Variants in PLCB4 observed in about 807,000 individuals in gnomAD.
The protein encoded by PLCB4 is phospholipase C beta 4, also known as 1-phosphatidylinositol 4,5-bisphosphate phosphodiesterase beta-4.
In PLCB4, 77 loss-of-function variants were observed where a neutral mutation model predicts 178.8. The observed-to-expected ratio is 0.43, with a 90% CI of 0.36 to 0.52. PLCB4 has a LOEUF of 0.52. Ranked by LOEUF, PLCB4 falls within the 20% of genes least tolerant of loss-of-function variation. PLCB4 has a pLI of 0.00. For synonymous variants in PLCB4, 496 were observed against 490.8 expected, an observed-to-expected ratio of 1.01 and a Z score of -0.14; for missense variants, 1,024 against 1,453.4, an observed-to-expected ratio of 0.70 and a Z score of 4.80.
chr20:9,360,369 G>A (rs1296965582), intron 7 of PLCB4, among the ~76,000 whole-genome samples: 1 of 152,098 alleles, frequency 6.6e-6, no homozygotes, highest in Non-Finnish European at 1.5e-5. Context: ...ATGAATGAAA[G>A]TTATTTAAGC....
intron 36 of PLCB4, among the ~76,000 whole-genome samples, chr20:9,469,683 C>T (rs1774811668): frequency 6.6e-6 from 1 of 152,174 alleles, no homozygotes; most frequent in South Asian, 2.1e-4. Flanking sequence ...AGCAAGAGTA[C>T]CTGGCTTTTG....
chr20:9,201,249 A>G (rs951498945), intron 2 of PLCB4, among the ~76,000 whole-genome samples: 1 of 152,220 alleles, frequency 6.6e-6, no homozygotes, highest in Non-Finnish European at 1.5e-5. Context: ...AATTTAAACT[A>G]TCAATATGCT....
Position 9,087,051 on chromosome 20 carries a change from TTG to T in PLCB4, c.-134-9230_-134-9229del, listed in dbSNP as rs928981719. Reference sequence around the variant, plus strand: ...AACTTTTTTCATCCTTCCAACTTATTTGTGTGTTTCCGTTTAAAATGTGTCTC... The same window carrying T: ...AACTTTTTTCATCCTTCCAACTTATTTGTGTTTCCGTTTAAAATGTGTCTC... On this transcript the variant is annotated intron_variant, in intron 1 of 39. Transcript: ENST00000378473. Among the ~76,000 whole-genome samples the T allele has an allele frequency of 5.9e-5, 9 of 152,338 alleles. No individual in the cohort carries two copies. In the South Asian group the frequency reaches 1.2e-3, roughly 21 times the overall value.
chr20:9,333,233 G>A (rs1023045323), intron 4 of PLCB4, among the ~76,000 whole-genome samples: 2 of 152,166 alleles, frequency 1.3e-5, no homozygotes, highest in African/African-American at 4.8e-5. Context: ...GAACACAAAG[G>A]TAAACAAGAC....
At chr20:9,462,886 G>A (rs756349548) in intron 35 of PLCB4, among the ~76,000 whole-genome samples, 2 of 152,138 alleles carry the variant, frequency 1.3e-5, no homozygotes, top group Non-Finnish European at 2.9e-5. Context: ...AGCAAGGCAT[G>A]CCAACATTCA....
At chr20:9,090,580 CTG>C (rs2090638302) in intron 1 of PLCB4, among the ~76,000 whole-genome samples, 1 of 148,482 alleles carries the variant, frequency 6.7e-6, no homozygotes, top group Non-Finnish European at 1.5e-5. Context: ...GCAGAATACT[CTG>C]TGTTACTAAA....
rs533506973 is a variant in PLCB4 at position 9,335,299 on chromosome 20, C to G, written c.85-1827C>G. Reference sequence around the variant, plus strand: ...TTTCAGGTGGCACGGAAGACCCTTGCAATGAAACAACTCTTCTATACATGT... The same window carrying G: ...TTTCAGGTGGCACGGAAGACCCTTGGAATGAAACAACTCTTCTATACATGT... On this transcript the variant is annotated intron_variant, in intron 4 of 39. Coordinates refer to ENST00000378473, the MANE Select transcript of PLCB4 (RefSeq NM_001377142.1). Among the ~76,000 whole-genome samples the G allele has an allele frequency of 8.8e-4, 134 of 152,210 alleles. 1 individual carries two copies. Among genetic ancestry groups the G allele is most frequent in the African/African-American group, 2.8e-3 (115 of 41,530 alleles).
chr20:9,464,457 C>A (rs1355058110), intron 35 of PLCB4, among the ~76,000 whole-genome samples: 1 of 151,952 alleles, frequency 6.6e-6, no homozygotes, highest in African/African-American at 2.4e-5. Context: ...GATAGCGACA[C>A]AAAAAACCCT....
chr20:9,379,808 T>A (rs1450807065), intron 12 of PLCB4, among the ~76,000 whole-genome samples: 1 of 152,158 alleles, frequency 6.6e-6, no homozygotes, highest in Non-Finnish European at 1.5e-5. Context: ...CTTCAACTTT[T>A]GAAGGGGAAA....
intron 19 of PLCB4, among the ~76,000 whole-genome samples, chr20:9,400,642 C>T (rs910470355): frequency 3.3e-5 from 5 of 152,154 alleles, no homozygotes; most frequent in African/African-American, 1.2e-4. Flanking sequence ...TGGGTTTCTC[C>T]TGATCCTGGC....
chr20:9,444,745 G>C (rs2042310574), intron 32 of PLCB4, among the ~76,000 whole-genome samples: 1 of 152,090 alleles, frequency 6.6e-6, no homozygotes, highest in African/African-American at 2.4e-5. Flanking sequence ...GTAGGTGATA[G>C]AGTAAGACTC....
At position 9,395,528 on chromosome 20, in the gene PLCB4, C is replaced by A. The variant is rs764724064; in HGVS notation, c.1420C>A (p.Leu474Met). 1 of 1,612,652 alleles carries A rather than the reference C, an allele frequency of 6.2e-7. No homozygotes were observed. Among genetic ancestry groups the A allele is most frequent in the South Asian group, 1.1e-5 (1 of 91,056 alleles). The change falls in exon 19 of 40, where the codon CTG becomes ATG. Residue 474 changes from leucine to methionine, a missense_variant. Physicochemically the swap from Leu to Met is conservative, Grantham distance 15. This residue lies in a region of PLCB4 where 263 missense variants were observed against 417.4 expected (regional missense o/e 0.63). Coordinates refer to ENST00000378473, the MANE Select transcript of PLCB4 (RefSeq NM_001377142.1). Reference protein sequence around the residue: ...RLKPEVEKKQLEALRSMMEAG... With the variant: ...RLKPEVEKKQMEALRSMMEAG... ...TTGCGTGTTTTTGCTAACAGAACAG[C>A]TGGAAGCTTTGAGAAGCATGATGGA...
At chr20:9,311,597 T>A (rs961158981) in intron 4 of PLCB4, among the ~76,000 whole-genome samples, 1 of 152,190 alleles carries the variant, frequency 6.6e-6, no homozygotes, top group African/African-American at 2.4e-5. Context: ...AGATACTTTT[T>A]TCTTAACTGT....
At chr20:9,146,513 TA>T (rs772975471) in intron 2 of PLCB4, among the ~76,000 whole-genome samples, 1 of 152,124 alleles carries the variant, frequency 6.6e-6, no homozygotes, top group Non-Finnish European at 1.5e-5. Context: ...TTTATTCGTG[TA>T]GATAGTAATT....
intron 2 of PLCB4, among the ~76,000 whole-genome samples, chr20:9,194,426 C>T (rs924517091): frequency 3.9e-5 from 6 of 151,980 alleles, no homozygotes; most frequent in African/African-American, 1.4e-4. Context: ...GTGGCTCATA[C>T]GTGTAATCCC....
chr20:9,336,986 A>T, intron 4 of PLCB4, 140 bp from the exon 5 acceptor site: 1 of 612,304 alleles, frequency 1.6e-6, no homozygotes, highest in Non-Finnish European at 2.9e-6. Context: ...AAATGAAAAC[A>T]TTCCATAATA....
intron 2 of PLCB4, among the ~76,000 whole-genome samples, chr20:9,153,591 G>A (rs183216428): frequency 3.9e-4 from 59 of 152,008 alleles, no homozygotes; most frequent in African/African-American, 1.1e-3. Context: ...TTTTCTTCCC[G>A]GTCTCGGATA....
intron 7 of PLCB4, among the ~76,000 whole-genome samples, chr20:9,352,779 A>G (rs2034463800): frequency 6.6e-6 from 1 of 152,168 alleles, no homozygotes; most frequent in Non-Finnish European, 1.5e-5. Flanking sequence ...GTAATTTAAG[A>G]ATCATATGAT....
At chr20:9,381,289 C>T (rs570518915) in intron 13 of PLCB4, among the ~76,000 whole-genome samples, 2 of 152,232 alleles carry the variant, frequency 1.3e-5, no homozygotes, top group Admixed American at 1.3e-4. Flanking sequence ...TCCCTGTGAC[C>T]TTGAGCTAGG....
Sources: gnomAD v4.1 joint callset for allele counts (sites outside exome capture counted in the v4.1 genomes callset) on GRCh38, gnomAD v4.1.1 for gene constraint, gnomAD v4.1.1 regional missense constraint, MANE v1.5 for transcripts, NCBI Gene and HGNC (gene_info 2026-07-23, HGNC 2026-07-21) for gene names.